AUTS2: variants seen among roughly 807,000 people sequenced by gnomAD.
AUTS2 encodes the protein activator of transcription and developmental regulator AUTS2, also known as autism susceptibility gene 2 protein.
Under a neutral mutation model 112.4 loss-of-function variants are expected in AUTS2, and 17 were observed. The ratio of observed to expected loss-of-function variants is 0.15; its 90% CI spans 0.10 to 0.23. AUTS2 has a LOEUF of 0.23. AUTS2 is among the 10% of genes least tolerant of loss of function. AUTS2 has a pLI of 1.00. For missense variants in AUTS2, 1,510 were observed against 1,701.6 expected, an observed-to-expected ratio of 0.89 and a Z score of 1.98; for synonymous variants, 751 against 702.7, an observed-to-expected ratio of 1.07 and a Z score of -1.09.
chr7:70,337,506 G>A (rs1240637208), intron 4 of AUTS2, among the ~76,000 whole-genome samples: 1 of 152,268 alleles, frequency 6.6e-6, no homozygotes, highest in East Asian at 1.9e-4. Flanking sequence ...CACTGTTCTG[G>A]AGGGTGAATA....
intron 4 of AUTS2, among the ~76,000 whole-genome samples, chr7:70,363,165 T>C (rs1329323608): frequency 1.3e-5 from 2 of 152,260 alleles, no homozygotes; most frequent in Admixed American, 1.3e-4. Context: ...TACATCTGTT[T>C]GGATCCATTC....
chr7:70,600,807 G>A (rs1166291534), intron 5 of AUTS2, among the ~76,000 whole-genome samples: 2 of 149,734 alleles, frequency 1.3e-5, no homozygotes, highest in Non-Finnish European at 2.9e-5. Flanking sequence ...CTTTTGTCTT[G>A]TTTCTTAACG....
intron 5 of AUTS2, among the ~76,000 whole-genome samples, chr7:70,630,454 G>C (rs1168034448): frequency 6.6e-6 from 1 of 152,222 alleles, no homozygotes; most frequent in Non-Finnish European, 1.5e-5. Flanking sequence ...CGGCTCCCGT[G>C]AACGGGGCCT....
intron 4 of AUTS2, among the ~76,000 whole-genome samples, chr7:70,287,265 T>C (rs190536420): frequency 6.6e-6 from 1 of 152,200 alleles, no homozygotes; most frequent in Non-Finnish European, 1.5e-5. Context: ...CCTCCTCTTC[T>C]TACACCTTCG....
chr7:70,572,426 C>G (rs1801982405), intron 5 of AUTS2, among the ~76,000 whole-genome samples: 1 of 118,192 alleles, frequency 8.5e-6, no homozygotes, highest in East Asian at 2.4e-4. Flanking sequence ...TGAAGGGTTC[C>G]AGCAAATGGA....
intron 1 of AUTS2, among the ~76,000 whole-genome samples, chr7:69,635,975 T>G (rs905844780): frequency 1.3e-5 from 2 of 152,200 alleles, no homozygotes; most frequent in African/African-American, 4.8e-5. Context: ...TTAAAGAGCC[T>G]TTGTTTTGAC....
chr7:70,489,735 C>T (rs1274086855), intron 5 of AUTS2, among the ~76,000 whole-genome samples: 1 of 152,178 alleles, frequency 6.6e-6, no homozygotes, highest in Non-Finnish European at 1.5e-5. Context: ...AGTGGGAGAA[C>T]ATGGCCCATA....
intron 1 of AUTS2, among the ~76,000 whole-genome samples, chr7:69,710,171 C>T (rs1463566610): frequency 6.6e-6 from 1 of 152,048 alleles, no homozygotes; most frequent in African/African-American, 2.4e-5. Flanking sequence ...AAAATTATCT[C>T]TTGTATATAC....
At chr7:70,737,720 C>T (rs553562493) in intron 6 of AUTS2, among the ~76,000 whole-genome samples, 1 of 152,112 alleles carries the variant, frequency 6.6e-6, no homozygotes, top group Non-Finnish European at 1.5e-5. Flanking sequence ...AGAGAGTACA[C>T]AGGATATTGA....
chr7:69,757,604 CTTTAT>C (rs1359282381), intron 1 of AUTS2, among the ~76,000 whole-genome samples: 2 of 152,140 alleles, frequency 1.3e-5, no homozygotes, highest in Non-Finnish European at 2.9e-5. Flanking sequence ...GTAATGTACA[CTTTAT>C]TTTGATTTTA....
At chr7:69,826,901 C>T (rs1791273607) in intron 1 of AUTS2, among the ~76,000 whole-genome samples, 1 of 152,098 alleles carries the variant, frequency 6.6e-6, no homozygotes, top group African/African-American at 2.4e-5. Context: ...ATGCTGTCTA[C>T]CTTTACTTCC....
At chr7:69,914,356 G>GACACACACACACACAC (rs66527808) in intron 2 of AUTS2, among the ~76,000 whole-genome samples, 92 of 135,882 alleles carry the variant, frequency 6.8e-4, no homozygotes, top group African/African-American at 1.4e-3. Context: ...CACACACACA[G>GACACACACACACACAC]ACACACACAC....
chr7:70,281,567 G>A (rs1416929960), intron 4 of AUTS2, among the ~76,000 whole-genome samples: 1 of 152,186 alleles, frequency 6.6e-6, no homozygotes, highest in Non-Finnish European at 1.5e-5. Flanking sequence ...AAAACCTAAA[G>A]GAAGACCTGG....
intron 5 of AUTS2, among the ~76,000 whole-genome samples, chr7:70,584,802 C>T (rs376976976): frequency 2.6e-5 from 4 of 152,350 alleles, no homozygotes; most frequent in Non-Finnish European, 5.9e-5. Flanking sequence ...CCACGAAGGG[C>T]GTGTGCTGGG....
intron 2 of AUTS2, among the ~76,000 whole-genome samples, chr7:70,110,855 CTTTCTTTTTTTT>C (rs1422626407): frequency 1.6e-5 from 2 of 127,894 alleles, no homozygotes; most frequent in Non-Finnish European, 3.3e-5. Flanking sequence ...AACTTTCTTT[CTTTCTTTTTTTT>C]TTTTTTTTTT....
At chr7:69,610,767 A>G (rs73165742) in intron 1 of AUTS2, among the ~76,000 whole-genome samples, 376 of 152,324 alleles carry the variant, frequency 2.5e-3, no homozygotes, top group Non-Finnish European at 4.5e-3. Flanking sequence ...TGATTTCCAT[A>G]TCTGTTCCAT....
chr7:70,630,875 C>T (rs1187380793), intron 5 of AUTS2, among the ~76,000 whole-genome samples: 1 of 152,170 alleles, frequency 6.6e-6, no homozygotes, highest in African/African-American at 2.4e-5. Flanking sequence ...CTTTGTAACA[C>T]ACATGCACAG....
At chr7:70,434,293 T>C (rs1240193758) in intron 4 of AUTS2, among the ~76,000 whole-genome samples, 2 of 152,130 alleles carry the variant, frequency 1.3e-5, no homozygotes, top group African/African-American at 4.8e-5. Flanking sequence ...AGAAAGAAAA[T>C]ACCTGGCATT....
chr7:70,449,034 T>C (rs1433590318), intron 5 of AUTS2, among the ~76,000 whole-genome samples: 1 of 152,234 alleles, frequency 6.6e-6, no homozygotes, highest in East Asian at 1.9e-4. Context: ...AGACTCTTTT[T>C]GTTTCAAATA....
Sources: allele counts gnomAD v4.1 joint callset (sites outside exome capture counted in the v4.1 genomes callset), GRCh38; gene constraint gnomAD v4.1.1; transcripts MANE v1.5; gene names NCBI Gene and HGNC (gene_info 2026-07-23, HGNC 2026-07-21).